The following C14orf39 variants were observed in gnomAD, a reference collection of about 807,000 sequenced individuals.
C14orf39 encodes the protein chromosome 14 open reading frame 39.
In C14orf39, 66 loss-of-function variants were observed where a neutral mutation model predicts 85.6. The ratio of observed to expected loss-of-function variants is 0.77; its 90% confidence interval spans 0.63 to 0.95. The LOEUF (loss-of-function observed/expected upper bound fraction) is 0.95, where lower values mean the gene tolerates loss of function less well. Among genes scored for constraint, C14orf39 ranks in the 40% least tolerant of loss-of-function variants. The pLI, the probability that C14orf39 is intolerant of heterozygous loss-of-function variation, is 0.00. For missense variants in C14orf39, 735 were observed against 663.9 expected (o/e 1.11, Z -1.18); for synonymous variants, 242 against 214.0 (o/e 1.13, Z -1.14).
At chr14:60,462,879 C>A (rs1376604229) in intron 11 of C14orf39, among the ~76,000 whole-genome samples, 1 of 151,748 alleles carries the variant, frequency 6.6e-6, no homozygotes. Flanking sequence ...CCAGTGTGGC[C>A]CAGGTAAGCC....
upstream of C14orf39, chr14:60,486,203 C>G (rs1892886580): frequency 6.6e-6 from 1 of 152,184 alleles, no homozygotes; most frequent in African/African-American, 2.4e-5. Context: ...TCCTTCTTCG[C>G]GGGTGGAAGC....
At chr14:60,444,884 C>T (rs1595442000) in intron 16 of C14orf39, among the ~76,000 whole-genome samples, 2 of 152,210 alleles carry the variant, frequency 1.3e-5, no homozygotes, top group African/African-American at 4.8e-5. Flanking sequence ...AGAAACCCTA[C>T]AAGCCAGAAG....
rs1893250092 is a variant in C14orf39 at position 60,509,187 on chromosome 14, C to G, written c.-144+6208G>C. On this transcript the variant is annotated intron_variant, in intron 1 of 5. Transcript: ENST00000556799. ...CGCCTGCCGGCGTGCCTGAGCCGAG[C>G]CGAGCCCGAACCCCAAGCCGCGGAG... The G allele has an allele frequency of 1.2e-5, 7 of 589,330 alleles. No individual in the cohort carries two copies. In the Admixed American group the frequency reaches 2.1e-4, roughly 17 times the overall value. 36.5% of individuals were successfully genotyped at this position (589,330 alleles called of 1,614,324 possible). A position where few individuals can be genotyped will look rare whatever the true frequency, so the allele number is the denominator to read the frequency against.
chr14:60,457,298 TC>T, intron 14 of C14orf39, among the ~76,000 whole-genome samples: 1 of 152,080 alleles, frequency 6.6e-6, no homozygotes, highest in Middle Eastern at 3.4e-3. Context: ...TCCAATTTTT[TC>T]TTTTCTTTCC....
intron 1 of C14orf39, among the ~76,000 whole-genome samples, chr14:60,485,396 A>G (rs1892836768): frequency 6.6e-6 from 1 of 152,240 alleles, no homozygotes; most frequent in African/African-American, 2.4e-5. Context: ...TCCAGGGTTC[A>G]CGGACACCCA....
At chr14:60,439,717 T>C (rs1002131341) in intron 17 of C14orf39, among the ~76,000 whole-genome samples, 11 of 152,190 alleles carry the variant, frequency 7.2e-5, no homozygotes, top group African/African-American at 1.9e-4. Flanking sequence ...TTGTTCATTA[T>C]CTGTATGTAT....
chr14:60,442,990 T>C (rs764624435), intron 16 of C14orf39, among the ~76,000 whole-genome samples: 13 of 152,182 alleles, frequency 8.5e-5, no homozygotes, highest in Non-Finnish European at 1.6e-4. Flanking sequence ...GCAAATATTT[T>C]ACATCTTCGT....
In C14orf39 at chr14:60,466,072, T is replaced by A; in HGVS notation, c.896-17A>T. 7.8e-7 allele frequency: 1 copy of A among 1,284,082 alleles called. No individual in the cohort carries two copies. Among genetic ancestry groups the A allele is most frequent in the Non-Finnish European group, 1.1e-6 (1 of 941,396 alleles). The allele number at this position is 1,284,082 out of a possible 1,614,324, so 79.5% of individuals were successfully genotyped here. On this transcript the variant is annotated splice_polypyrimidine_tract_variant and intron_variant, in intron 10 of 17. Coordinates refer to ENST00000321731, the MANE Select transcript of C14orf39 (RefSeq NM_174978.3). ...CTTTTATATCTAGATTATTAAATAG[T>A]ACTACTTTAAATCAATGCTGGAAAC...
intron 5 of C14orf39, among the ~76,000 whole-genome samples, chr14:60,472,279 T>G (rs954222861): frequency 1.3e-5 from 2 of 152,112 alleles, no homozygotes; most frequent in African/African-American, 4.8e-5. Flanking sequence ...AACTATTTTA[T>G]GAAGAAAATT....
intron 1 of C14orf39, 26 bp from the exon 2 acceptor site, chr14:60,485,112 T>A: frequency 6.4e-7 from 1 of 1,569,856 alleles, no homozygotes; most frequent in Non-Finnish European, 8.6e-7. Flanking sequence ...AAAAAAATTA[T>A]AAGATTTTCT....
chr14:60,480,573 TACCATATGATCCA>T (rs1263094498), intron 4 of C14orf39, among the ~76,000 whole-genome samples: 1 of 152,134 alleles, frequency 6.6e-6, no homozygotes, highest in Non-Finnish European at 1.5e-5. Flanking sequence ...AAAATAGAAT[TACCATATGATCCA>T]GCCATCCCAC....
At chr14:60,473,855 C>A (rs962951807) in intron 5 of C14orf39, among the ~76,000 whole-genome samples, 5 of 152,110 alleles carry the variant, frequency 3.3e-5, no homozygotes, top group African/African-American at 1.2e-4. Flanking sequence ...CAGCTTTGTT[C>A]TTTTGGCTTA....
chr14:60,505,918 C>T (rs1482067958), intron 1 of C14orf39, among the ~76,000 whole-genome samples: 1 of 152,142 alleles, frequency 6.6e-6, no homozygotes, highest in South Asian at 2.1e-4. Flanking sequence ...GGAGTGAGAT[C>T]CCCATATGTG....
In C14orf39 at chr14:60,483,934, G is replaced by C; in HGVS notation, c.107-117C>G. On this transcript the variant is annotated intron_variant, in intron 3 of 17. Coordinates refer to ENST00000321731, the MANE Select transcript of C14orf39 (RefSeq NM_174978.3). ...AAAAGGAAGAGAGCCAGAGAATGGA[G>C]AGGAAACGAGGCTTGAGATGGGTGG... 4.5e-6 allele frequency: 3 copies of C among 661,282 alleles called. No individual in the cohort carries two copies. In the South Asian group the frequency reaches 6.3e-5, roughly 14 times the overall value. 41.0% of individuals were successfully genotyped at this position (661,282 alleles called of 1,614,324 possible). A position where few individuals can be genotyped will look rare whatever the true frequency, so the allele number is the denominator to read the frequency against.
Position 60,471,467 on chromosome 14 carries a change from A to G in C14orf39, c.512-8T>C. On this transcript the variant is annotated splice_polypyrimidine_tract_variant and splice_region_variant and intron_variant, in intron 6 of 17. Coordinates refer to ENST00000321731, the MANE Select transcript of C14orf39 (RefSeq NM_174978.3). ...ATGGAAAGGGAGCAGGCACTGAAAA[A>G]TAAAGTCACAGCATAAGCTGATTAT... The G allele has an allele frequency of 1.3e-6, 2 of 1,599,420 alleles. No homozygotes were observed. The highest frequency in any genetic ancestry group is 1.8e-4 in the Middle Eastern group (1 of 5,594).
intron 17 of C14orf39, among the ~76,000 whole-genome samples, chr14:60,438,271 T>C (rs979768794): frequency 2.0e-5 from 3 of 152,220 alleles, no homozygotes; most frequent in Non-Finnish European, 2.9e-5. Context: ...GATGGATAGA[T>C]GGACAGACTG....
At chr14:60,505,237 T>C (rs965414658) in intron 1 of C14orf39, among the ~76,000 whole-genome samples, 2 of 152,218 alleles carry the variant, frequency 1.3e-5, no homozygotes, top group Admixed American at 1.3e-4. Flanking sequence ...AATAGTGCAA[T>C]CTACCTTGGC....
intron 16 of C14orf39, among the ~76,000 whole-genome samples, chr14:60,453,170 T>C (rs1891114707): frequency 1.3e-5 from 2 of 152,138 alleles, no homozygotes; most frequent in African/African-American, 4.8e-5. Flanking sequence ...AAACCTCCAA[T>C]ATGTTTGAAT....
chr14:60,508,790 C>A (rs1281843121), intron 1 of C14orf39, among the ~76,000 whole-genome samples: 1 of 152,136 alleles, frequency 6.6e-6, no homozygotes, highest in East Asian at 1.9e-4. Context: ...TCTTTGTCCT[C>A]TGGAGACCTC....
Sources: allele counts gnomAD v4.1 joint callset (sites outside exome capture counted in the v4.1 genomes callset), GRCh38; gene constraint gnomAD v4.1.1; transcripts MANE v1.5; gene names NCBI Gene and HGNC (gene_info 2026-07-23, HGNC 2026-07-21).